CASK: variants seen among roughly 807,000 people sequenced by gnomAD.
The protein encoded by CASK is peripheral plasma membrane protein CASK.
In CASK, 4 loss-of-function variants were observed where a neutral mutation model predicts 82.9. That is an observed-to-expected ratio of 0.05 (90% CI 0.02 to 0.11). The LOEUF (loss-of-function observed/expected upper bound fraction) is 0.11. CASK is among the 10% of genes least tolerant of loss of function. The pLI is 1.00. For synonymous variants in CASK, 259 were observed against 253.5 expected (o/e 1.02, Z -0.20); for missense variants, 358 against 720.9 (o/e 0.50, Z 5.76).
intron 3 of CASK, among the ~76,000 whole-genome samples, chrX:41,784,248 T>C (rs2069537940): frequency 9.0e-6 from 1 of 111,374 alleles, no homozygotes; most frequent in Non-Finnish European, 1.9e-5. Flanking sequence ...GGCTGGGAAA[T>C]GCACAGCCCC....
intron 2 of CASK, among the ~76,000 whole-genome samples, chrX:41,850,680 C>T (rs1385881603): frequency 9.0e-6 from 1 of 111,020 alleles, no homozygotes; most frequent in African/African-American, 3.3e-5. Flanking sequence ...GTAGCATCTC[C>T]TTCTATGCTA....
intron 2 of CASK, among the ~76,000 whole-genome samples, chrX:41,839,946 C>A (rs1451764917): frequency 1.8e-5 from 2 of 111,823 alleles, no homozygotes; most frequent in Non-Finnish European, 3.8e-5. Flanking sequence ...CTTATTCCTT[C>A]ACCAATACTA....
chrX:41,834,076 T>A (rs1438133285), intron 2 of CASK, among the ~76,000 whole-genome samples: 1 of 112,320 alleles, frequency 8.9e-6, no homozygotes. Context: ...ACTTACAAAT[T>A]GATAAGGTCA....
intron 3 of CASK, among the ~76,000 whole-genome samples, chrX:41,753,579 T>C (rs1388674248): frequency 2.7e-5 from 3 of 112,227 alleles, no homozygotes; most frequent in Non-Finnish European, 5.6e-5. Flanking sequence ...AAGCAACAAA[T>C]AGATTCTCTG....
At chrX:41,841,046 T>C (rs953505205) in intron 2 of CASK, among the ~76,000 whole-genome samples, 1 of 112,033 alleles carries the variant, frequency 8.9e-6, no homozygotes, top group Non-Finnish European at 1.9e-5. Flanking sequence ...TTTCAATGCT[T>C]TTGGGTATAT....
At chrX:41,841,792 G>A (rs2071044929) in intron 2 of CASK, among the ~76,000 whole-genome samples, 1 of 111,791 alleles carries the variant, frequency 8.9e-6, no homozygotes, top group Non-Finnish European at 1.9e-5. Context: ...AAAGTACTGA[G>A]CTTATGGGCA....
chrX:41,884,621 G>C (rs1442340831), intron 1 of CASK, among the ~76,000 whole-genome samples: 1 of 112,154 alleles, frequency 8.9e-6, no homozygotes, highest in Admixed American at 9.5e-5. Context: ...CAGTAGATGA[G>C]ACAGTCATGT....
intron 1 of CASK, among the ~76,000 whole-genome samples, chrX:41,893,334 A>C (rs2072209790): frequency 8.9e-6 from 1 of 112,384 alleles, no homozygotes; most frequent in East Asian, 2.8e-4. Flanking sequence ...GCACTGTCAA[A>C]AACAATAGCA....
chrX:41,673,405 C>T (rs759881058), intron 5 of CASK, among the ~76,000 whole-genome samples: 1 of 111,929 alleles, frequency 8.9e-6, no homozygotes, highest in Non-Finnish European at 1.9e-5. Context: ...CAGGCATGAG[C>T]CACTGTGCCT....
intron 7 of CASK, among the ~76,000 whole-genome samples, chrX:41,663,061 C>T (rs1216841628): frequency 9.1e-6 from 1 of 109,975 alleles, no homozygotes; most frequent in Non-Finnish European, 1.9e-5. Flanking sequence ...TGGTCTTGAG[C>T]TCCTGAGCTC....
chrX:41,586,825 C>G, intron 14 of CASK, 82 bp downstream of exon 14: 2 of 600,036 alleles, frequency 3.3e-6, no homozygotes, highest in South Asian at 4.8e-5. Flanking sequence ...TGAGATGAAG[C>G]TGGCTACATT....
chrX:41,811,910 A>G (rs2070296294), intron 2 of CASK, among the ~76,000 whole-genome samples: 2 of 112,108 alleles, frequency 1.8e-5, no homozygotes, highest in Admixed American at 1.9e-4. Context: ...AGGGGATATC[A>G]CCACCAATCC....
At chrX:41,687,911 T>C (rs2067470356) in intron 5 of CASK, among the ~76,000 whole-genome samples, 2 of 102,552 alleles carry the variant, frequency 2.0e-5, no homozygotes, top group Non-Finnish European at 4.0e-5. Flanking sequence ...TGAGCCGAGA[T>C]TGTGCCATTG....
intron 6 of CASK, among the ~76,000 whole-genome samples, chrX:41,667,335 C>A (rs924093745): frequency 1.8e-5 from 2 of 111,471 alleles, no homozygotes; most frequent in African/African-American, 6.5e-5. Flanking sequence ...TTAATATACA[C>A]CAACTTCCTA....
At chrX:41,548,760 C>T (rs1171852951) in intron 21 of CASK, among the ~76,000 whole-genome samples, 5 of 111,786 alleles carry the variant, frequency 4.5e-5, no homozygotes, top group Admixed American at 1.9e-4. Flanking sequence ...GAGACAAAAT[C>T]GTGTGACCTT....
chrX:41,858,042 A>G (rs2071404319), intron 1 of CASK, among the ~76,000 whole-genome samples: 1 of 112,662 alleles, frequency 8.9e-6, no homozygotes, highest in African/African-American at 3.2e-5. Flanking sequence ...AAAGGTCAAT[A>G]AATTACTTGC....
At chrX:41,752,396 T>C (rs1011848393) in intron 3 of CASK, among the ~76,000 whole-genome samples, 1 of 110,470 alleles carries the variant, frequency 9.1e-6, no homozygotes, top group Non-Finnish European at 1.9e-5. Flanking sequence ...GGTCAAGTTA[T>C]TCTTCTGCGT....
At position 41,722,667 on chromosome X, in the gene CASK, T is replaced by C. The variant is rs761064524; in HGVS notation, c.429+16717A>G. Among the ~76,000 whole-genome samples, 3 of 112,012 alleles carry C rather than the reference T, an allele frequency of 2.7e-5. No homozygotes were observed. In the Admixed American group the frequency reaches 2.8e-4, roughly 11 times the overall value. Reference sequence around the variant, plus strand: ...TAGAAGCTGTAGTACCAGCAATTGATTAGATGTGAGATGTGAAAGAAAGAG... The same window carrying C: ...TAGAAGCTGTAGTACCAGCAATTGACTAGATGTGAGATGTGAAAGAAAGAG... On this transcript the variant is annotated intron_variant, in intron 5 of 26. Coordinates refer to ENST00000378163, the MANE Select transcript of CASK (RefSeq NM_001367721.1).
chrX:41,739,569 T>C (rs1569427038), intron 4 of CASK, 113 bp from the exon 5 acceptor site: 1 of 524,789 alleles, frequency 1.9e-6, no homozygotes, highest in East Asian at 3.7e-5. Context: ...CATGGACACA[T>C]TTGATTTGAG....
Sources: gnomAD v4.1 joint callset for allele counts (sites outside exome capture counted in the v4.1 genomes callset) on GRCh38, gnomAD v4.1.1 for gene constraint, MANE v1.5 for transcripts, NCBI Gene and HGNC (gene_info 2026-07-23, HGNC 2026-07-21) for gene names.